The following CPPED1 variants were observed in gnomAD, a reference collection of about 807,000 sequenced individuals.
The protein encoded by CPPED1 is calcineurin like phosphoesterase domain containing 1, also known as serine/threonine-protein phosphatase CPPED1.
CPPED1 carries 28 observed loss-of-function variants against 28.0 expected under a neutral mutation model. That is an observed-to-expected ratio of 1.00 (90% CI 0.74 to 1.37). The LOEUF (loss-of-function observed/expected upper bound fraction) is 1.37, where lower values mean the gene tolerates loss of function less well. CPPED1 is among the 40% of genes most tolerant of loss of function. The pLI, the probability that CPPED1 is intolerant of heterozygous loss-of-function variation, is 0.00. For missense variants in CPPED1, 504 were observed against 416.5 expected, an observed-to-expected ratio of 1.21 and a Z score of -1.83; for synonymous variants, 198 against 180.2, an observed-to-expected ratio of 1.10 and a Z score of -0.79.
intron 1 of CPPED1, among the ~76,000 whole-genome samples, chr16:12,782,904 T>G (rs1286088221): frequency 2.0e-5 from 3 of 152,044 alleles, no homozygotes; most frequent in African/African-American, 7.2e-5. Flanking sequence ...GGACAATGCA[T>G]GTTAACTGAA....
At chr16:12,800,705 A>G (rs533167956) in intron 1 of CPPED1, among the ~76,000 whole-genome samples, 104 of 152,244 alleles carry the variant, frequency 6.8e-4, no homozygotes, top group Middle Eastern at 3.4e-3. Context: ...GCCTCAGCCC[A>G]CACCATGTCC....
At position 12,661,967 on chromosome 16, in the gene CPPED1, A is replaced by C. The variant is rs1399411899; in HGVS notation, c.*2919T>G. ...ACTGGCTGAGCTGGTGCAACCTTTC[A>C]CCTCTGAGAAACGTTTTCCAAGACA... is the stretch of plus-strand genomic sequence containing the variant. On this transcript the variant is annotated 3_prime_UTR_variant, in exon 4 of 4. Coordinates refer to ENST00000381774, the MANE Select transcript of CPPED1 (RefSeq NM_018340.3). The C allele has an allele frequency of 6.6e-6, 1 of 152,150 alleles. No homozygotes were observed. The highest frequency in any genetic ancestry group is 1.9e-4 in the East Asian group (1 of 5,184). 9.4% of individuals were successfully genotyped at this position (152,150 alleles called of 1,614,324 possible). A position where few individuals can be genotyped will look rare whatever the true frequency, so the allele number is the denominator to read the frequency against.
At chr16:12,740,432 G>A (rs912429964) in intron 2 of CPPED1, among the ~76,000 whole-genome samples, 50 of 146,680 alleles carry the variant, frequency 3.4e-4, no homozygotes, top group African/African-American at 1.1e-3. Flanking sequence ...GCAACAGAAC[G>A]AGACTCTGCC....
intron 1 of CPPED1, among the ~76,000 whole-genome samples, chr16:12,795,766 T>A (rs945739090): frequency 1.3e-5 from 2 of 152,196 alleles, no homozygotes; most frequent in Admixed American, 1.3e-4. Flanking sequence ...TATTCATTCA[T>A]ACTCATCCAT....
intron 1 of CPPED1, among the ~76,000 whole-genome samples, chr16:12,782,547 T>G (rs200064998): frequency 5.3e-4 from 11 of 20,666 alleles, no homozygotes; most frequent in Admixed American, 2.5e-3. Context: ...CTTGAGGCTG[T>G]TTTTTTTTTT....
chr16:12,752,649 T>C (rs953634398), intron 2 of CPPED1, among the ~76,000 whole-genome samples: 3 of 147,282 alleles, frequency 2.0e-5, no homozygotes, highest in Admixed American at 1.4e-4. Context: ...TATATGTTTA[T>C]ATATTATATG....
chr16:12,781,315 G>C lies in CPPED1; in HGVS notation c.159C>G (p.Asp53Glu), dbSNP rs751073311. The change falls in exon 2 of 4, where the codon GAC becomes GAG. Residue 53 changes from aspartate (D) to glutamate (E), a missense_variant. Transcript: ENST00000381774. Reference protein sequence around the residue: ...FGLIKAWSTGDCDNGGDEWEQ... With the variant: ...FGLIKAWSTGECDNGGDEWEQ... ...CCCATTCGTCACCGCCATTGTCACA[G>C]TCCCCAGTGGACCAGGCCTTGATCA... The C allele has an allele frequency of 1.2e-6, 2 of 1,614,146 alleles. No individual in the cohort carries two copies. Among genetic ancestry groups the C allele is most frequent in the Non-Finnish European group, 8.5e-7 (1 of 1,180,044 alleles).
chr16:12,675,453 G>T (rs564905702), intron 3 of CPPED1, among the ~76,000 whole-genome samples: 1 of 152,122 alleles, frequency 6.6e-6, no homozygotes, highest in East Asian at 1.9e-4. Context: ...TCATGAAGAC[G>T]CTATAAAAGC....
At chr16:12,697,382 C>CCATCCCCA (rs11283058) in intron 3 of CPPED1, among the ~76,000 whole-genome samples, 126,972 of 151,554 alleles carry the variant, frequency 0.84, 53,638 homozygotes, top group African/African-American at 0.94. Flanking sequence ...TGTCTGCAAT[C>CCATCCCCA]CATCACATCC....
chr16:12,725,045 C>T (rs2080163040), intron 2 of CPPED1, among the ~76,000 whole-genome samples: 1 of 152,000 alleles, frequency 6.6e-6, no homozygotes, highest in Non-Finnish European at 1.5e-5. Flanking sequence ...CTTGGCCTCC[C>T]AAAGTGCTGG....
chr16:12,665,960 TA>T (rs923583063), intron 3 of CPPED1, among the ~76,000 whole-genome samples: 3 of 151,144 alleles, frequency 2.0e-5, no homozygotes, highest in African/African-American at 7.3e-5. Context: ...TAAATAAATA[TA>T]AAAAAATTAG....
intron 3 of CPPED1, among the ~76,000 whole-genome samples, chr16:12,685,718 AGG>A (rs760684513): frequency 3.3e-5 from 5 of 152,094 alleles, no homozygotes; most frequent in African/African-American, 4.8e-5. Context: ...CTCCTCAGGG[AGG>A]CCACCAGCTT....
At chr16:12,755,764 G>A (rs1463718257) in intron 2 of CPPED1, among the ~76,000 whole-genome samples, 1 of 152,190 alleles carries the variant, frequency 6.6e-6, no homozygotes, top group Non-Finnish European at 1.5e-5. Flanking sequence ...AGCGTCATGT[G>A]AAATCCAAGT....
intron 2 of CPPED1, among the ~76,000 whole-genome samples, chr16:12,744,084 G>A (rs191569529): frequency 1.1e-3 from 161 of 152,234 alleles, no homozygotes; most frequent in African/African-American, 3.7e-3. Context: ...AGACCATCCT[G>A]GCTAACATGG....
At chr16:12,710,394 G>C (rs926018986) in intron 2 of CPPED1, among the ~76,000 whole-genome samples, 4 of 151,292 alleles carry the variant, frequency 2.6e-5, no homozygotes, top group African/African-American at 7.3e-5. Context: ...GAGAGAAATA[G>C]GTTACAGGTA....
intron 3 of CPPED1, among the ~76,000 whole-genome samples, chr16:12,695,215 G>A (rs1263808774): frequency 6.6e-5 from 10 of 152,144 alleles, no homozygotes; most frequent in Non-Finnish European, 1.5e-4. Context: ...AATTGGTGAG[G>A]TATGTTAAAT....
chr16:12,797,117 G>T (rs1270835622), intron 1 of CPPED1, among the ~76,000 whole-genome samples: 1 of 152,174 alleles, frequency 6.6e-6, no homozygotes, highest in Non-Finnish European at 1.5e-5. Context: ...TTGCAAGTGG[G>T]TATAAAACCA....
intron 3 of CPPED1, among the ~76,000 whole-genome samples, chr16:12,683,037 G>T (rs906167571): frequency 6.6e-6 from 1 of 152,222 alleles, no homozygotes. Flanking sequence ...AGACGTGGCG[G>T]CCAGCCACGG....
At chr16:12,778,232 C>T (rs2080509271) in intron 2 of CPPED1, among the ~76,000 whole-genome samples, 1 of 151,238 alleles carries the variant, frequency 6.6e-6, no homozygotes, top group Non-Finnish European at 1.5e-5. Context: ...CAACTTAAAT[C>T]CACTTGGCCC....
Sources: gnomAD v4.1 joint callset for allele counts (sites outside exome capture counted in the v4.1 genomes callset) on GRCh38, gnomAD v4.1.1 for gene constraint, MANE v1.5 for transcripts, NCBI Gene and HGNC (gene_info 2026-07-23, HGNC 2026-07-21) for gene names.